Variants in GPC6 observed in about 807,000 individuals in gnomAD.
GPC6 encodes glypican 6.
In GPC6, 14 loss-of-function variants were observed where a neutral mutation model predicts 55.2. The ratio of observed to expected loss-of-function variants is 0.25; its 90% CI spans 0.17 to 0.40. The LOEUF (loss-of-function observed/expected upper bound fraction) is 0.40, where lower values mean the gene tolerates loss of function less well. Among genes scored for constraint, GPC6 ranks in the 10% least tolerant of loss-of-function variants. GPC6 has a pLI of 1.00. For missense variants in GPC6, 641 were observed against 708.5 expected (o/e 0.90, Z 1.08); for synonymous variants, 278 against 259.6 (o/e 1.07, Z -0.68).
At chr13:93,938,908 C>A (rs1878579227) in intron 3 of GPC6, among the ~76,000 whole-genome samples, 2 of 152,028 alleles carry the variant, frequency 1.3e-5, no homozygotes, top group South Asian at 4.1e-4. Context: ...TGGAGACCAT[C>A]CGGGCCAACA....
chr13:93,966,991 A>G (rs1241540806), intron 3 of GPC6, among the ~76,000 whole-genome samples: 1 of 152,124 alleles, frequency 6.6e-6, no homozygotes, highest in African/African-American at 2.4e-5. Context: ...ACTGAAGGTG[A>G]TGTCATAGAT....
intron 6 of GPC6, among the ~76,000 whole-genome samples, chr13:94,329,583 G>A (rs1594175092): frequency 6.6e-6 from 1 of 152,202 alleles, no homozygotes; most frequent in South Asian, 2.1e-4. Context: ...GTGAGAAAAT[G>A]CATCTGATCT....
rs150207810 is a variant in GPC6, at chr13:94,190,998, G to A, written c.878-95351G>A. On this transcript the variant is annotated intron_variant, in intron 4 of 8. Coordinates refer to ENST00000377047, the MANE Select transcript of GPC6 (RefSeq NM_005708.5). ...ACAGCAAGCAGCAGAAACAAATGAG[G>A]CAAAATGTTAACAATAGGTGATTTT... 8.6e-3 allele frequency among the ~76,000 whole-genome samples: 1,305 copies of A among 152,108 alleles called. 9 individuals carry two copies. The highest frequency in any genetic ancestry group is 0.02 in the Middle Eastern group (6 of 294).
At chr13:93,367,227 A>G (rs775476689) in intron 1 of GPC6, among the ~76,000 whole-genome samples, 1 of 152,124 alleles carries the variant, frequency 6.6e-6, no homozygotes, top group Non-Finnish European at 1.5e-5. Flanking sequence ...CTCTTTGTTA[A>G]ATAATAGTGT....
At chr13:94,352,046 T>C (rs1030210100) in intron 6 of GPC6, among the ~76,000 whole-genome samples, 10 of 151,706 alleles carry the variant, frequency 6.6e-5, no homozygotes, top group African/African-American at 2.2e-4. Flanking sequence ...CTGGAAATGC[T>C]TTTTCACATG....
intron 2 of GPC6, among the ~76,000 whole-genome samples, chr13:93,754,593 C>G (rs923969372): frequency 6.6e-6 from 1 of 151,924 alleles, no homozygotes; most frequent in Admixed American, 6.6e-5. Flanking sequence ...TGCTATTTTC[C>G]CCTACACTTA....
At chr13:93,300,444 T>G (rs897999892) in intron 1 of GPC6, among the ~76,000 whole-genome samples, 2 of 151,070 alleles carry the variant, frequency 1.3e-5, no homozygotes, top group Non-Finnish European at 3.0e-5. Flanking sequence ...GTCAGGAGAT[T>G]GAGACCATCC....
rs528288803 is a variant in GPC6, at chr13:94,344,174, A to G, written c.1152+38051A>G. Among the ~76,000 whole-genome samples, 5 of 152,348 alleles carry G rather than the reference A, an allele frequency of 3.3e-5. No individual in the cohort carries two copies. In the East Asian group the frequency reaches 9.6e-4, roughly 29 times the overall value. On this transcript the variant is annotated intron_variant, in intron 6 of 8. Coordinates refer to ENST00000377047, the MANE Select transcript of GPC6 (RefSeq NM_005708.5). ...CTAAAATGGGCTCAGAGGCAAAAAG[A>G]AAAAAATCAACAATATTGATCTTAT...
chr13:93,585,900 G>T (rs1362040490), intron 2 of GPC6, among the ~76,000 whole-genome samples: 2 of 152,096 alleles, frequency 1.3e-5, no homozygotes, highest in African/African-American at 2.4e-5. Flanking sequence ...GAATCTTAGA[G>T]CAGGCACTGT....
chr13:93,726,493 C>A (rs187738066), intron 2 of GPC6, among the ~76,000 whole-genome samples: 75 of 152,174 alleles, frequency 4.9e-4, no homozygotes, highest in African/African-American at 1.8e-3. Context: ...AAAACCTAAT[C>A]TAAAATCCTA....
chr13:93,893,059 A>AT (rs1271008047), intron 3 of GPC6, among the ~76,000 whole-genome samples: 9,018 of 142,062 alleles, frequency 0.063, 840 homozygotes, highest in African/African-American at 0.2. Context: ...TAACCATTAA[A>AT]TTTTTTTTTT....
chr13:94,042,102 G>A (rs1883560226), intron 4 of GPC6, among the ~76,000 whole-genome samples: 1 of 151,772 alleles, frequency 6.6e-6, no homozygotes, highest in South Asian at 2.1e-4. Flanking sequence ...ATGATAGTGA[G>A]TGAATGAGTG....
rs1887977423 is a variant in GPC6 at position 94,157,101 on chromosome 13, G to A, written c.877+129207G>A. ...TTAAGCAAACGAAAAAGATCCTGGG[G>A]CCAAGACTCCTAAATCTGAAGCTCC... On this transcript the variant is annotated intron_variant, in intron 4 of 8. Coordinates refer to ENST00000377047, the MANE Select transcript of GPC6 (RefSeq NM_005708.5). Among the ~76,000 whole-genome samples, 3 of 152,132 alleles carry A rather than the reference G, an allele frequency of 2.0e-5. No individual in the cohort carries two copies. In the South Asian group the frequency reaches 6.2e-4, roughly 32 times the overall value.
chr13:93,936,703 G>C (rs1878452323), intron 3 of GPC6, among the ~76,000 whole-genome samples: 1 of 152,116 alleles, frequency 6.6e-6, no homozygotes, highest in South Asian at 2.1e-4. Context: ...ATGCATTAAA[G>C]ATGAAACTCA....
rs547225793 is a variant in GPC6, at chr13:94,078,544, A to T, written c.877+50650A>T. Among the ~76,000 whole-genome samples, 8 of 152,094 alleles carry T rather than the reference A, an allele frequency of 5.3e-5. 1 individual carries two copies. In the South Asian group the frequency reaches 1.2e-3, roughly 24 times the overall value. Reference sequence around the variant, plus strand: ...AAAGAGAGAAGCAGCAAATAAAATTAAAAATGAAAGAAGAGACATTAAAAA... The same window carrying T: ...AAAGAGAGAAGCAGCAAATAAAATTTAAAATGAAAGAAGAGACATTAAAAA... On this transcript the variant is annotated intron_variant, in intron 4 of 8. Transcript: ENST00000377047.
At chr13:93,437,205 C>T (rs546631065) in intron 1 of GPC6, among the ~76,000 whole-genome samples, 1 of 152,176 alleles carries the variant, frequency 6.6e-6, no homozygotes, top group South Asian at 2.1e-4. Flanking sequence ...CCTTGAGCCT[C>T]GTTATTACCT....
chr13:93,663,144 A>C (rs1201384746), intron 2 of GPC6, among the ~76,000 whole-genome samples: 1 of 151,930 alleles, frequency 6.6e-6, no homozygotes, highest in Non-Finnish European at 1.5e-5. Context: ...TCAGAGACTG[A>C]CAGTACAGAA....
chr13:94,032,510 C>T (rs1277187170), intron 4 of GPC6, among the ~76,000 whole-genome samples: 1 of 152,220 alleles, frequency 6.6e-6, no homozygotes, highest in East Asian at 1.9e-4. Flanking sequence ...TCCCGTATCA[C>T]TCTCAATAGG....
chr13:94,033,141 T>C (rs1186880046), intron 4 of GPC6, among the ~76,000 whole-genome samples: 2 of 152,260 alleles, frequency 1.3e-5, no homozygotes, highest in East Asian at 3.8e-4. Context: ...TGTTCTATTT[T>C]ACTTTGTAAG....
Sources: allele counts gnomAD v4.1 joint callset (sites outside exome capture counted in the v4.1 genomes callset), GRCh38; gene constraint gnomAD v4.1.1; transcripts MANE v1.5; gene names NCBI Gene and HGNC (gene_info 2026-07-23, HGNC 2026-07-21).